Variants in USP11 observed in about 807,000 individuals in gnomAD.
USP11 encodes ubiquitin carboxyl-terminal hydrolase 11.
Under a neutral mutation model 72.8 loss-of-function variants are expected in USP11, and 5 were observed. The ratio of observed to expected loss-of-function variants is 0.07; its 90% CI spans 0.04 to 0.14. The LOEUF (loss-of-function observed/expected upper bound fraction) is 0.14. USP11 is among the 10% of genes least tolerant of loss of function. USP11 has a pLI of 1.00. For synonymous variants in USP11, 368 were observed against 326.5 expected (o/e 1.13, Z -1.37); for missense variants, 480 against 794.7 (o/e 0.60, Z 4.76).
Position 47,247,992 on chromosome X carries a change from G to A in USP11, c.*62G>A, listed in dbSNP as rs1045257124. 2.4e-5 allele frequency: 27 copies of A among 1,123,748 alleles called. No individual in the cohort carries two copies. In the African/African-American group the frequency reaches 3.3e-4, roughly 14 times the overall value. The allele number at this position is 1,123,748 out of a possible 1,213,427, so 92.6% of individuals were successfully genotyped here. Reference sequence around the variant, plus strand: ...AGCCCTCTCTGCAATCTCGCTTCTCGTGTCCGCCCCGCTTCTCTTATTCGT... The same window carrying A: ...AGCCCTCTCTGCAATCTCGCTTCTCATGTCCGCCCCGCTTCTCTTATTCGT... On this transcript the variant is annotated 3_prime_UTR_variant, in exon 21 of 21. Coordinates refer to ENST00000377107, the MANE Select transcript of USP11 (RefSeq NM_001371072.1).
intron 1 of USP11, among the ~76,000 whole-genome samples, chrX:47,237,234 A>G (rs1166034414): frequency 8.9e-6 from 1 of 111,830 alleles, no homozygotes; most frequent in South Asian, 3.7e-4. Flanking sequence ...AAGTAAAGCC[A>G]CAAAGGGTGG....
At chrX:47,244,573 G>GC in intron 14 of USP11, 23 bp downstream of exon 14, 1 of 1,210,508 alleles carries the variant, frequency 8.3e-7, no homozygotes, top group South Asian at 1.8e-5. Context: ...ACAGTCAGTG[G>GC]GCGGGGGCTC....
rs2055408040 is a variant in USP11 at position 47,242,386 on chromosome X, A to G, written c.1405-53A>G. 12 of 1,207,882 alleles carry G rather than the reference A, an allele frequency of 9.9e-6. No individual in the cohort carries two copies. In the South Asian group the frequency reaches 1.4e-4, roughly 14 times the overall value. ...GCTGCCATAGCTCAAGGCTTCTTGC[A>G]TTAACTCACCACAAGCCCTTTTGGT... On this transcript the variant is annotated intron_variant, in intron 10 of 20. Transcript: ENST00000377107.
chrX:47,244,366 C>T, intron 13 of USP11, 132 bp from the exon 14 acceptor site: 2 of 733,882 alleles, frequency 2.7e-6, no homozygotes, highest in Non-Finnish European at 4.0e-6. Flanking sequence ...CCCTTCAGCC[C>T]TCTCACACCT....
chrX:47,239,745 T>C, intron 3 of USP11, 45 bp from the exon 4 acceptor site: 3 of 1,157,113 alleles, frequency 2.6e-6, no homozygotes, highest in Non-Finnish European at 3.5e-6. Context: ...CACAGCGCTG[T>C]GTCTGTGTGA....
At chrX:47,245,574 G>C in intron 17 of USP11, 92 bp downstream of exon 17, 1 of 574,209 alleles carries the variant, frequency 1.7e-6, no homozygotes, top group Non-Finnish European at 2.7e-6. Flanking sequence ...GACAGAGTCT[G>C]GCTCTGTCAA....
rs1459268980 is a variant in USP11 at position 47,247,429 on chromosome X, A to G, written c.2536+10A>G. Reference sequence around the variant, plus strand: ...ATGCGTGATGGACACTGTATGTGCCAGGCTGTGGGTGGGGCCTGCCCTGGG... The same window carrying G: ...ATGCGTGATGGACACTGTATGTGCCGGGCTGTGGGTGGGGCCTGCCCTGGG... On this transcript the variant is annotated intron_variant, in intron 19 of 20. Transcript: ENST00000377107. The G allele has an allele frequency of 5.8e-6, 7 of 1,206,150 alleles. No homozygotes were observed. In the East Asian group the frequency reaches 1.8e-4, roughly 31 times the overall value.
rs1569235622 is a variant in USP11 at position 47,241,514 on chromosome X, C to CTG, written c.1021-26_1021-25insGT. ...TCTTGGCTCTCCTAACTCCCTCTCT[C>CTG]TCTGATGACCCTGCCCATCTTCTTA... On this transcript the variant is annotated intron_variant, in intron 8 of 20. Coordinates refer to ENST00000377107, the MANE Select transcript of USP11 (RefSeq NM_001371072.1). 4.2e-6 allele frequency: 5 copies of CTG among 1,186,708 alleles called. No homozygotes were observed. In the African/African-American group the frequency reaches 7.1e-5, roughly 17 times the overall value.
chrX:47,233,436 C>T, intron 1 of USP11: 2 of 1,066,885 alleles, frequency 1.9e-6, no homozygotes, highest in Non-Finnish European at 2.4e-6. Context: ...AGTCTGACGC[C>T]TGAGAACAAA....
intron 1 of USP11, among the ~76,000 whole-genome samples, chrX:47,234,287 G>A (rs771657694): frequency 2.7e-5 from 3 of 112,045 alleles, no homozygotes; most frequent in Non-Finnish European, 5.6e-5. Flanking sequence ...GCAATTTAAC[G>A]AGTCATGATA....
In USP11 at chrX:47,244,672, C is replaced by G; in HGVS notation, c.1844-10C>G. On this transcript the variant is annotated splice_polypyrimidine_tract_variant and intron_variant, in intron 14 of 20. Coordinates refer to ENST00000377107, the MANE Select transcript of USP11 (RefSeq NM_001371072.1). The stretch of plus-strand genomic sequence containing the variant: ...CACACCTTCCCATCTCTGACATCCT[C>G]CTGTCCTAGAAGATGACGAGGAGGA... The G allele has an allele frequency of 8.3e-7, 1 of 1,207,598 alleles. No homozygotes were observed. The highest frequency in any genetic ancestry group is 1.1e-6 in the Non-Finnish European group (1 of 893,129).
intron 17 of USP11, 41 bp from the exon 18 acceptor site, chrX:47,247,031 A>AG: frequency 4.3e-6 from 5 of 1,166,161 alleles, no homozygotes; most frequent in Non-Finnish European, 5.7e-6. Context: ...AAAAAAAAAA[A>AG]AAAGAAAAAG....
intron 17 of USP11, among the ~76,000 whole-genome samples, chrX:47,246,040 C>T (rs750375212): frequency 1.8e-5 from 2 of 111,452 alleles, no homozygotes; most frequent in Admixed American, 1.9e-4. Context: ...TCAAATGTGA[C>T]CTCATCAGAG....
At chrX:47,245,700 A>G (rs1293779635) in intron 17 of USP11, among the ~76,000 whole-genome samples, 2 of 110,256 alleles carry the variant, frequency 1.8e-5, no homozygotes, top group African/African-American at 6.6e-5. Context: ...ACCCACTACC[A>G]TGCCTGGCTA....
At chrX:47,245,953 C>G (rs1418953288) in intron 17 of USP11, among the ~76,000 whole-genome samples, 1 of 111,496 alleles carries the variant, frequency 9.0e-6, no homozygotes, top group Non-Finnish European at 1.9e-5. Context: ...GAGCCTTGGC[C>G]TGTGCTGTTC....
chrX:47,244,379 G>A, intron 13 of USP11, 119 bp from the exon 14 acceptor site: 2 of 852,694 alleles, frequency 2.3e-6, no homozygotes, highest in South Asian at 2.5e-5. Context: ...TCACACCTCA[G>A]ATTCAGAACG....
At chrX:47,233,504 AG>A (rs1467365972) in intron 1 of USP11, 7 of 963,278 alleles carry the variant, frequency 7.3e-6, no homozygotes, top group Middle Eastern at 4.4e-4. Context: ...GGGCCTGCGT[AG>A]TGAAACTGCG....
chrX:47,241,591 C>T lies in USP11; in HGVS notation c.1071C>T (p.Asp357=). ...AATTTCTGGGCTACCAGCAGCATGA[C>T]TCTCAGGAGCTGCTGTCATTCCTCC... ...ASQFLGYQQH[D]SQELLSFLLD... The change falls in exon 9 of 21, where the codon GAC becomes GAT. Residue 357 remains aspartate (D), a synonymous_variant. Transcript: ENST00000377107. 5 of 1,208,599 alleles carry T rather than the reference C, an allele frequency of 4.1e-6. No homozygotes were observed. Among genetic ancestry groups the T allele is most frequent in the Non-Finnish European group, 5.6e-6 (5 of 894,208 alleles).
intron 17 of USP11, among the ~76,000 whole-genome samples, chrX:47,246,711 CAGT>C (rs997427454): frequency 9.1e-6 from 1 of 110,347 alleles, no homozygotes; most frequent in African/African-American, 3.3e-5. Flanking sequence ...AAAGGGCGCA[CAGT>C]AGGTGCTCAG....
Sources: gnomAD v4.1 joint callset for allele counts (sites outside exome capture counted in the v4.1 genomes callset) on GRCh38, gnomAD v4.1.1 for gene constraint, MANE v1.5 for transcripts, NCBI Gene and HGNC (gene_info 2026-07-23, HGNC 2026-07-21) for gene names.